The following DRC9 variants were observed in gnomAD, a reference collection of about 807,000 sequenced individuals.
The protein encoded by DRC9 is dynein regulatory complex subunit 9, also known as dynein regulatory complex protein 9.
chr3:197,952,989 CA>C, the DRC9 span, among the ~76,000 whole-genome samples: 1 of 151,512 alleles, frequency 6.6e-6, no homozygotes. Context: ...TTAGTAGAGA[CA>C]GGGTTTCACC....
the DRC9 span, chr3:197,889,170 T>G: frequency 1.1e-5 from 2 of 189,944 alleles, no homozygotes; most frequent in Admixed American, 1.1e-4. Context: ...TCCTACTGAA[T>G]ACTTTTGCTC....
At chr3:197,921,680 A>T in the DRC9 span, among the ~76,000 whole-genome samples, 2 of 147,752 alleles carry the variant, frequency 1.4e-5, no homozygotes, top group African/African-American at 2.5e-5. Context: ...ATCTTGGTCG[A>T]CCCGACTACT....
the DRC9 span, among the ~76,000 whole-genome samples, chr3:197,934,183 C>CTTTTTTTTTTTTTTTTTTTT: frequency 1.6e-4 from 16 of 99,466 alleles, 2 homozygotes; most frequent in African/African-American, 2.9e-4. Flanking sequence ...CATTCTGGGT[C>CTTTTTTTTTTTTTTTTTTTT]TTTTTTTTTT....
the DRC9 span, chr3:197,889,172 C>A: frequency 1.6e-5 from 3 of 190,856 alleles, no homozygotes; most frequent in Admixed American, 5.3e-5. Flanking sequence ...CTACTGAATA[C>A]TTTTGCTCAT....
the DRC9 span, chr3:197,958,163 G>A: frequency 6.6e-6 from 1 of 152,198 alleles, no homozygotes; most frequent in Non-Finnish European, 1.5e-5. Context: ...GAACTTCTAG[G>A]CTCAGACAAT....
At chr3:197,929,528 T>G in the DRC9 span, among the ~76,000 whole-genome samples, 3 of 151,992 alleles carry the variant, frequency 2.0e-5, no homozygotes, top group Non-Finnish European at 4.4e-5. The surrounding 1 kb of genome is among the most constrained non-coding windows in gnomAD (Gnocchi z 4.6). Flanking sequence ...GCCCAACACT[T>G]TGGGAGGCCA....
At chr3:197,932,631 C>CAATAAATAAATAAATA in the DRC9 span, among the ~76,000 whole-genome samples, 39 of 143,028 alleles carry the variant, frequency 2.7e-4, 1 homozygote, top group African/African-American at 1.0e-3. Flanking sequence ...GACTCCGTCT[C>CAATAAATAAATAAATA]AATAAATAAA....
At chr3:197,957,550 C>G in the DRC9 span, 1 of 151,844 alleles carries the variant, frequency 6.6e-6, no homozygotes, top group Non-Finnish European at 1.5e-5. Flanking sequence ...CTCCGCCTCC[C>G]GGGTTCACGC....
At chr3:197,940,186 A>G in the DRC9 span, among the ~76,000 whole-genome samples, 3 of 151,618 alleles carry the variant, frequency 2.0e-5, no homozygotes, top group Admixed American at 6.6e-5. Context: ...AGTAGAGATG[A>G]GGTTTCGCCA....
At chr3:197,951,408 C>A in the DRC9 span, 2 of 1,348,934 alleles carry the variant, frequency 1.5e-6, no homozygotes, top group Non-Finnish European at 2.1e-6. Context: ...GGCTGGAATG[C>A]AGTGACTTGG....
At chr3:197,937,626 T>C in the DRC9 span, among the ~76,000 whole-genome samples, 1 of 152,034 alleles carries the variant, frequency 6.6e-6, no homozygotes, top group African/African-American at 2.4e-5. Flanking sequence ...ATTACAGGTG[T>C]CCACCACCAC....
chr3:197,898,273 A>C, the DRC9 span, among the ~76,000 whole-genome samples: 1 of 152,228 alleles, frequency 6.6e-6, no homozygotes, highest in Non-Finnish European at 1.5e-5. Context: ...TTATAAACTA[A>C]AAATCATTTG....
the DRC9 span, among the ~76,000 whole-genome samples, chr3:197,942,429 A>G: frequency 6.8e-6 from 1 of 147,088 alleles, no homozygotes; most frequent in African/African-American, 2.5e-5. Context: ...CCCAGGCTGT[A>G]TATATAACAA....
chr3:197,889,592 G>T, the DRC9 span: 1 of 1,613,980 alleles, frequency 6.2e-7, no homozygotes, highest in Non-Finnish European at 8.5e-7. Context: ...ACTTCTTCTT[G>T]CCTCTCCTCT....
At chr3:197,900,936 G>A in the DRC9 span, among the ~76,000 whole-genome samples, 1 of 152,168 alleles carries the variant, frequency 6.6e-6, no homozygotes, top group African/African-American at 2.4e-5. The surrounding 1 kb of genome is among the most constrained non-coding windows in gnomAD (Gnocchi z 4.7). Context: ...ATAACCAGCA[G>A]GGGTCCACAG....
At chr3:197,915,638 A>AT in the DRC9 span, among the ~76,000 whole-genome samples, 1 of 151,804 alleles carries the variant, frequency 6.6e-6, no homozygotes, top group African/African-American at 2.4e-5. Context: ...CTCTTTTTAC[A>AT]TTTTTTTTGA....
chr3:197,918,257 GCT>G, the DRC9 span, among the ~76,000 whole-genome samples: 1 of 98,956 alleles, frequency 1.0e-5, no homozygotes, highest in Non-Finnish European at 2.1e-5. Context: ...CTAATTTTTT[GCT>G]TTTTTTTTTT....
chr3:197,950,443 G>A, the DRC9 span: 5 of 657,210 alleles, frequency 7.6e-6, no homozygotes, highest in Non-Finnish European at 8.2e-6. Flanking sequence ...TTAAATTCCT[G>A]GGCCTGAACG....
the DRC9 span, among the ~76,000 whole-genome samples, chr3:197,915,857 G>A: frequency 6.6e-6 from 1 of 152,152 alleles, no homozygotes; most frequent in Non-Finnish European, 1.5e-5. Flanking sequence ...TTGATCTCCC[G>A]ACCTCAGGTG....
Sources: allele counts gnomAD v4.1 joint callset (sites outside exome capture counted in the v4.1 genomes callset), GRCh38; gene constraint gnomAD v4.1.1; non-coding constraint Gnocchi (gnomAD v3.1); transcripts MANE v1.5; gene names NCBI Gene and HGNC (gene_info 2026-07-23, HGNC 2026-07-21).